Variants in ADAMTS18 observed in about 807,000 individuals in gnomAD.
ADAMTS18 encodes the protein ADAM metallopeptidase with thrombospondin type 1 motif 18.
In ADAMTS18, 157 loss-of-function variants were observed where a neutral mutation model predicts 165.9. That is an observed-to-expected ratio of 0.95 (90% CI 0.83 to 1.08). The LOEUF is 1.08. Among genes scored for constraint, ADAMTS18 ranks in the 50% least tolerant of loss-of-function variants. ADAMTS18 has a pLI of 0.00. For missense variants in ADAMTS18, 2,040 were observed against 1,534.0 expected (o/e 1.33, Z -5.51); for synonymous variants, 782 against 578.2 (o/e 1.35, Z -5.06).
chr16:77,290,222 A>C (rs2055336358), intron 21 of ADAMTS18, among the ~76,000 whole-genome samples: 1 of 152,166 alleles, frequency 6.6e-6, no homozygotes. Context: ...GATAGTAAAT[A>C]TTTCAGGCTG....
chr16:77,417,989 A>C (rs2144842105), intron 3 of ADAMTS18, among the ~76,000 whole-genome samples: 1 of 152,360 alleles, frequency 6.6e-6, no homozygotes, highest in Non-Finnish European at 1.5e-5. Flanking sequence ...TCCACATTTC[A>C]AATCTACATC....
At chr16:77,419,512 TCTC>T (rs1399422452) in intron 3 of ADAMTS18, among the ~76,000 whole-genome samples, 1 of 152,136 alleles carries the variant, frequency 6.6e-6, no homozygotes, top group Non-Finnish European at 1.5e-5. Context: ...TCTGACTTCT[TCTC>T]CTCTCTTTGA....
chr16:77,376,969 C>A (rs529163808), intron 3 of ADAMTS18, among the ~76,000 whole-genome samples: 1 of 152,120 alleles, frequency 6.6e-6, no homozygotes, highest in East Asian at 1.9e-4. Context: ...CGCCCACCAC[C>A]ACTCTCGGCT....
At chr16:77,334,655 A>C (rs1335162366) in intron 12 of ADAMTS18, among the ~76,000 whole-genome samples, 3 of 113,104 alleles carry the variant, frequency 2.7e-5, no homozygotes, top group Non-Finnish European at 3.4e-5. Context: ...TATACACTAT[A>C]TACTGTATAT....
intron 16 of ADAMTS18, among the ~76,000 whole-genome samples, chr16:77,314,783 T>A (rs1442861417): frequency 1.1e-5 from 1 of 90,638 alleles, no homozygotes; most frequent in Non-Finnish European, 2.3e-5. Context: ...TATATATATA[T>A]ATAAAATATA....
At chr16:77,314,471 G>T (rs183185124) in intron 16 of ADAMTS18, among the ~76,000 whole-genome samples, 14 of 151,200 alleles carry the variant, frequency 9.3e-5, no homozygotes, top group Admixed American at 4.0e-4. Flanking sequence ...AATTAGCTGG[G>T]CATGGTAGTG....
At chr16:77,308,949 A>G (rs571371753) in intron 16 of ADAMTS18, among the ~76,000 whole-genome samples, 4 of 152,264 alleles carry the variant, frequency 2.6e-5, no homozygotes, top group East Asian at 3.9e-4. Flanking sequence ...CAAACCCAAT[A>G]AAATAAACAT....
rs567756488 is a variant in ADAMTS18, at chr16:77,362,713, T to C, written c.1057-449A>G. 7.1e-4 allele frequency among the ~76,000 whole-genome samples: 108 copies of C among 152,292 alleles called. 1 individual carries two copies. In the Middle Eastern group the frequency reaches 0.024, roughly 34 times the overall value. The stretch of plus-strand genomic sequence containing the variant: ...ATCAATCAATATAATGAAAATTCAC[T>C]GAATGAATAAACAAATGATGATATG... On this transcript the variant is annotated intron_variant, in intron 6 of 22. Coordinates refer to ENST00000282849, the MANE Select transcript of ADAMTS18 (RefSeq NM_199355.4).
chr16:77,292,440 C>T (rs907807947), intron 20 of ADAMTS18, among the ~76,000 whole-genome samples: 1 of 152,116 alleles, frequency 6.6e-6, no homozygotes, highest in African/African-American at 2.4e-5. Context: ...AGGCTGCACC[C>T]TCTGTCTGGG....
chr16:77,297,916 C>CTT (rs34422251), intron 17 of ADAMTS18, among the ~76,000 whole-genome samples: 4,185 of 61,644 alleles, frequency 0.068, 686 homozygotes, highest in Middle Eastern at 0.17. Flanking sequence ...TCTGCTTTTG[C>CTT]TTTTTTTTTT....
intron 3 of ADAMTS18, among the ~76,000 whole-genome samples, chr16:77,401,882 C>G (rs572259457): frequency 6.6e-6 from 1 of 152,226 alleles, no homozygotes; most frequent in Non-Finnish European, 1.5e-5. Flanking sequence ...GGTTCTTGGA[C>G]TTCTGTAGTT....
chr16:77,416,381 T>C (rs1017794296), intron 3 of ADAMTS18, among the ~76,000 whole-genome samples: 2 of 152,170 alleles, frequency 1.3e-5, no homozygotes, highest in African/African-American at 2.4e-5. Flanking sequence ...GCTATGTCCC[T>C]ACCCAAATGT....
intron 22 of ADAMTS18, among the ~76,000 whole-genome samples, chr16:77,284,930 A>C (rs896549055): frequency 6.6e-6 from 1 of 152,020 alleles, no homozygotes; most frequent in African/African-American, 2.4e-5. Flanking sequence ...GTTGAGATTA[A>C]CTGAAAAAGC....
At chr16:77,349,998 C>T (rs2056532505) in intron 10 of ADAMTS18, among the ~76,000 whole-genome samples, 2 of 152,196 alleles carry the variant, frequency 1.3e-5, no homozygotes, top group South Asian at 4.1e-4. Context: ...TGCATTTGTT[C>T]AGCTGCTCAC....
intron 17 of ADAMTS18, among the ~76,000 whole-genome samples, chr16:77,297,899 C>T (rs2055504507): frequency 1.3e-5 from 2 of 148,484 alleles, no homozygotes; most frequent in Admixed American, 6.7e-5. Flanking sequence ...AACCTATCAG[C>T]CAGGGCTCTG....
chr16:77,367,452 C>T lies in ADAMTS18; in HGVS notation c.767G>A (p.Arg256Gln), dbSNP rs775057284. 1.5e-5 allele frequency: 24 copies of T among 1,614,074 alleles called. No individual in the cohort carries two copies. Among genetic ancestry groups the T allele is most frequent in the Admixed American group, 1.3e-4 (8 of 60,004 alleles). ...RRLQKQHFCG[R>Q]RKKYAPKPPT... ...GTTTCCTTACATACATTTCTTGCGT[C>T]GTCCACAAAAATGCTGCTTTTGCAA... Residue 256 changes from arginine (R) to glutamine (Q), a missense_variant, in exon 4 of 23, where the codon CGA becomes CAA. Coordinates refer to ENST00000282849, the MANE Select transcript of ADAMTS18 (RefSeq NM_199355.4).
At chr16:77,432,460 AGAG>A (rs2057750945) in intron 2 of ADAMTS18, 1 of 152,214 alleles carries the variant, frequency 6.6e-6, no homozygotes, top group African/African-American at 2.4e-5. Flanking sequence ...AATGTTCCAA[AGAG>A]GAGGAGCTAA....
chr16:77,414,827 CAT>C (rs1308824105), intron 3 of ADAMTS18, among the ~76,000 whole-genome samples: 1 of 152,226 alleles, frequency 6.6e-6, no homozygotes, highest in Non-Finnish European at 1.5e-5. Context: ...CATTACCCCA[CAT>C]GTCATCATCC....
At chr16:77,289,231 A>G (rs1163781563) in intron 22 of ADAMTS18, 33 bp downstream of exon 22, 34 of 1,613,306 alleles carry the variant, frequency 2.1e-5, no homozygotes, top group Non-Finnish European at 2.9e-5. Flanking sequence ...TCTAAAGACT[A>G]GTAAAGTTGA....
Sources: gnomAD v4.1 joint callset for allele counts (sites outside exome capture counted in the v4.1 genomes callset) on GRCh38, gnomAD v4.1.1 for gene constraint, MANE v1.5 for transcripts, NCBI Gene and HGNC (gene_info 2026-07-23, HGNC 2026-07-21) for gene names.